BRMS1L: variants seen among roughly 807,000 people sequenced by gnomAD.
BRMS1L encodes the protein BRMS1 like transcriptional repressor.
BRMS1L carries 23 observed loss-of-function variants against 50.3 expected under a neutral mutation model. The ratio of observed to expected loss-of-function variants is 0.46; its 90% CI spans 0.33 to 0.65. The LOEUF (loss-of-function observed/expected upper bound fraction) is 0.65, where lower values mean the gene tolerates loss of function less well. Ranked by LOEUF, BRMS1L falls within the 30% of genes least tolerant of loss-of-function variation. BRMS1L has a pLI of 0.02. For missense variants in BRMS1L, 286 were observed against 386.1 expected (o/e 0.74, Z 2.17); for synonymous variants, 114 against 126.9 (o/e 0.90, Z 0.69).
At chr14:35,868,346 C>T (rs1463857203) in intron 9 of BRMS1L, among the ~76,000 whole-genome samples, 1 of 152,098 alleles carries the variant, frequency 6.6e-6, no homozygotes, top group African/African-American at 2.4e-5. Flanking sequence ...GACCCTTAAA[C>T]CTGACTATTA....
chr14:35,838,540 T>C (rs2078021810), intron 4 of BRMS1L, among the ~76,000 whole-genome samples: 1 of 152,202 alleles, frequency 6.6e-6, no homozygotes, highest in African/African-American at 2.4e-5. Context: ...CATCTGTTGT[T>C]TCCTGACTTT....
intron 1 of BRMS1L, among the ~76,000 whole-genome samples, chr14:35,831,121 G>A (rs1439311574): frequency 1.3e-5 from 2 of 151,370 alleles, no homozygotes; most frequent in Admixed American, 6.6e-5. Flanking sequence ...TTTATATTTT[G>A]TAGAGATGGG....
At position 35,837,935 on chromosome 14, in the gene BRMS1L, A is replaced by G. The variant is rs950928106; in HGVS notation, c.441+3012A>G. Among the ~76,000 whole-genome samples, 3 of 152,332 alleles carry G rather than the reference A, an allele frequency of 2.0e-5. No homozygotes were observed. In the South Asian group the frequency reaches 6.2e-4, roughly 32 times the overall value. The stretch of plus-strand genomic sequence containing the variant: ...CGTGTGCAGAATGTGCAGGTTTGTT[A>G]CATAGGTATACATGTGCCATGGTGG... On this transcript the variant is annotated intron_variant, in intron 4 of 9. Coordinates refer to ENST00000216807, the MANE Select transcript of BRMS1L (RefSeq NM_032352.4).
At chr14:35,837,415 AC>A (rs2078009522) in intron 4 of BRMS1L, among the ~76,000 whole-genome samples, 1 of 151,986 alleles carries the variant, frequency 6.6e-6, no homozygotes. Flanking sequence ...CCTGTTAATA[AC>A]CTTTTTCATT....
chr14:35,837,108 A>C (rs1165239954), intron 4 of BRMS1L, among the ~76,000 whole-genome samples: 1 of 148,772 alleles, frequency 6.7e-6, no homozygotes, highest in African/African-American at 2.5e-5. Flanking sequence ...TACAAAAATT[A>C]GCTGGGTGTG....
At chr14:35,862,724 C>T (rs371025246) in intron 5 of BRMS1L, 38 bp downstream of exon 5, 2 of 1,473,444 alleles carry the variant, frequency 1.4e-6, no homozygotes, top group African/African-American at 1.4e-5. Context: ...TTGAGTGGCA[C>T]CAGACCTTTG....
chr14:35,863,957 T>C lies in BRMS1L; in HGVS notation c.622+4T>C, dbSNP rs750189880. 5.0e-6 allele frequency: 8 copies of C among 1,612,092 alleles called. No individual in the cohort carries two copies. The South Asian group carries it at 6.6e-5, about 13-fold the overall frequency. ...AAGAAGCCAGTTGTTGTTTCAGATA[T>C]CCTTTTCCAAATTTTCTGTTTTTTT... On this transcript the variant is annotated splice_donor_region_variant and intron_variant, in intron 6 of 9. Transcript: ENST00000216807.
At chr14:35,862,377 G>A (rs1049788282) in intron 4 of BRMS1L, among the ~76,000 whole-genome samples, 1 of 152,062 alleles carries the variant, frequency 6.6e-6, no homozygotes, top group African/African-American at 2.4e-5. Flanking sequence ...TATACAGAAT[G>A]TAATTGCATG....
At chr14:35,861,429 C>T (rs905364218) in intron 4 of BRMS1L, among the ~76,000 whole-genome samples, 2 of 152,144 alleles carry the variant, frequency 1.3e-5, no homozygotes, top group Non-Finnish European at 2.9e-5. Flanking sequence ...AGGGGAACTG[C>T]TCTCCCTTTT....
intron 8 of BRMS1L, 169 bp downstream of exon 8, chr14:35,865,930 T>G: frequency 6.5e-6 from 4 of 613,562 alleles, no homozygotes; most frequent in Non-Finnish European, 1.1e-5. Context: ...CGTAAAAGTT[T>G]CAAAATTTCT....
intron 4 of BRMS1L, among the ~76,000 whole-genome samples, chr14:35,850,690 G>A (rs1296870727): frequency 2.0e-5 from 3 of 152,082 alleles, no homozygotes; most frequent in Admixed American, 6.5e-5. Flanking sequence ...TCAGTTTTAT[G>A]TTTCAGCTTT....
At chr14:35,827,735 T>TG (rs1463452618) in intron 1 of BRMS1L, among the ~76,000 whole-genome samples, 1 of 152,216 alleles carries the variant, frequency 6.6e-6, no homozygotes, top group East Asian at 1.9e-4. Context: ...AATTGCCAAA[T>TG]GAATGCTTAA....
chr14:35,836,240 C>T (rs1320896998), intron 4 of BRMS1L, among the ~76,000 whole-genome samples: 3 of 152,102 alleles, frequency 2.0e-5, no homozygotes, highest in Non-Finnish European at 4.4e-5. Context: ...TCTTTTTGCC[C>T]AGGTGGTACG....
In BRMS1L at chr14:35,871,487, A is replaced by G. The variant is rs769210447; in HGVS notation, c.*1010A>G. ...GCCTCCCTTCCGCTAGCCACATTCA[A>G]AATTAACTTCCAAAACCTCAGGAAC... On this transcript the variant is annotated 3_prime_UTR_variant, in exon 10 of 10. Transcript: ENST00000216807. 1.3e-5 allele frequency: 2 copies of G among 152,652 alleles called. No homozygotes were observed. The highest frequency in any genetic ancestry group is 2.4e-5 in the African/African-American group (1 of 41,454). 9.5% of individuals were successfully genotyped at this position (152,652 alleles called of 1,614,324 possible).
chr14:35,838,910 A>G (rs1270916384), intron 4 of BRMS1L, among the ~76,000 whole-genome samples: 1 of 152,100 alleles, frequency 6.6e-6, no homozygotes, highest in African/African-American at 2.4e-5. Flanking sequence ...TTTTGTTGCC[A>G]TTGCTTTTGG....
At chr14:35,838,332 A>G (rs946702756) in intron 4 of BRMS1L, among the ~76,000 whole-genome samples, 2 of 152,252 alleles carry the variant, frequency 1.3e-5, no homozygotes, top group African/African-American at 4.8e-5. Context: ...CACAATAAAC[A>G]TACATGTGCA....
intron 4 of BRMS1L, among the ~76,000 whole-genome samples, chr14:35,843,753 A>G (rs558201359): frequency 6.6e-6 from 1 of 152,368 alleles, no homozygotes; most frequent in East Asian, 1.9e-4. Context: ...GCTGGCAGGC[A>G]GGAATATTTA....
rs2077843164 is a variant in BRMS1L at position 35,826,441 on chromosome 14, G to A, written c.-76G>A. On this transcript the variant is annotated 5_prime_UTR_variant, in exon 1 of 10. Coordinates refer to ENST00000216807, the MANE Select transcript of BRMS1L (RefSeq NM_032352.4). ...GCTCGGTGGCTGGGTGGGTTGGGGC[G>A]TTCCGCGCGCCCTTCATTGAAGCGG... 3 of 1,542,998 alleles carry A rather than the reference G, an allele frequency of 1.9e-6. No homozygotes were observed. The highest frequency in any genetic ancestry group is 3.9e-5 in the Admixed American group (2 of 50,754).
intron 4 of BRMS1L, among the ~76,000 whole-genome samples, chr14:35,844,915 G>C (rs960591868): frequency 6.6e-6 from 1 of 151,928 alleles, no homozygotes; most frequent in South Asian, 2.1e-4. Context: ...TGGTCTCACT[G>C]TATCGCCCAG....
Sources: allele counts gnomAD v4.1 joint callset (sites outside exome capture counted in the v4.1 genomes callset), GRCh38; gene constraint gnomAD v4.1.1; transcripts MANE v1.5; gene names NCBI Gene and HGNC (gene_info 2026-07-23, HGNC 2026-07-21).